HIVEP1: variants seen among roughly 807,000 people sequenced by gnomAD.
HIVEP1 encodes the protein HIVEP zinc finger 1, also known as zinc finger protein 40.
A neutral mutation model predicts 180.0 loss-of-function variants in HIVEP1; 36 were observed. That is an observed-to-expected ratio of 0.20 (90% CI 0.15 to 0.26). The LOEUF (loss-of-function observed/expected upper bound fraction) is 0.26. HIVEP1 is among the 10% of genes least tolerant of loss of function. The pLI, the probability that HIVEP1 is intolerant of heterozygous loss-of-function variation, is 1.00. For missense variants in HIVEP1, 3,143 were observed against 3,268.7 expected, an observed-to-expected ratio of 0.96 and a Z score of 0.94; for synonymous variants, 1,239 against 1,239.0, an observed-to-expected ratio of 1.00 and a Z score of 0.00.
At chr6:12,022,827 T>G (rs1212297159) in intron 2 of HIVEP1, among the ~76,000 whole-genome samples, 1 of 152,236 alleles carries the variant, frequency 6.6e-6, no homozygotes, top group East Asian at 1.9e-4. Context: ...CCATTCTTGT[T>G]CTGACTATTC....
At chr6:12,091,765 T>A (rs559402481) in intron 3 of HIVEP1, among the ~76,000 whole-genome samples, 1 of 152,266 alleles carries the variant, frequency 6.6e-6, no homozygotes, top group South Asian at 2.1e-4. Flanking sequence ...GGGATAGAGA[T>A]AAGGATGCAA....
rs749200978 is a variant in HIVEP1, at chr6:12,164,337, A to G, written c.8033A>G (p.Gln2678Arg). The stretch of plus-strand genomic sequence containing the variant: ...GAAGTTTTTACAAAGCCCTCAGGCC[A>G]GCAGACTCTCTCTCCAGACAGACAG... ...HSEVFTKPSG[Q>R]QTLSPDRQVP... is the part of the protein sequence containing the mutation. Residue 2678 changes from glutamine to arginine, a missense_variant, in exon 9 of 9, where the codon CAG (glutamine) becomes CGG (arginine). This residue lies in a region of HIVEP1 where 595 missense variants were observed against 602.2 expected (regional missense o/e 0.99). Transcript: ENST00000379388. The G allele has an allele frequency of 6.2e-7, 1 of 1,614,104 alleles. No individual in the cohort carries two copies. The highest frequency in any genetic ancestry group is 2.2e-5 in the East Asian group (1 of 44,874).
intron 2 of HIVEP1, among the ~76,000 whole-genome samples, chr6:12,021,822 C>G (rs1356576519): frequency 6.6e-6 from 1 of 152,058 alleles, no homozygotes; most frequent in African/African-American, 2.4e-5. Flanking sequence ...TGTGCTACCA[C>G]CCCCGGCTAA....
In HIVEP1 at chr6:12,121,401, A is replaced by G. The variant is rs1757647741; in HGVS notation, c.1606A>G (p.Ser536Gly). 1.2e-6 allele frequency: 2 copies of G among 1,614,204 alleles called. No individual in the cohort carries two copies. The highest frequency in any genetic ancestry group is 1.7e-5 in the Admixed American group (1 of 60,026). Residue 536 changes from serine (S) to glycine (G), a missense_variant, in exon 4 of 9, where the codon AGC becomes GGC. Ser to Gly is a moderately conservative substitution (Grantham distance 56). Coordinates refer to ENST00000379388, the MANE Select transcript of HIVEP1 (RefSeq NM_002114.4). This position sits in a 1 kb window ranked among gnomAD's most constrained non-coding sequence, Gnocchi z 5.3. ...TTTACTAAAATCAAGCTTCACTCCAAGCAGTCCAGAAAATGTGATAGGTGA... is the reference window on the plus strand; with the variant it reads ...TTTACTAAAATCAAGCTTCACTCCAGGCAGTCCAGAAAATGTGATAGGTGA... ...ETLLKSSFTP[S>G]SPENVIGDFL...
At chr6:12,102,362 A>C (rs1774161441) in intron 3 of HIVEP1, among the ~76,000 whole-genome samples, 2 of 152,210 alleles carry the variant, frequency 1.3e-5, no homozygotes, top group Admixed American at 6.5e-5. Flanking sequence ...TGATCATTAA[A>C]TCAAAAAGAA....
chr6:12,007,763 C>G (rs1461105783), upstream of HIVEP1: 1 of 152,048 alleles, frequency 6.6e-6, no homozygotes, highest in Non-Finnish European at 1.5e-5. Context: ...ACTGAGAACT[C>G]ACCCCCAGGA....
chr6:12,072,813 T>C (rs1459745276), intron 2 of HIVEP1, among the ~76,000 whole-genome samples: 1 of 152,156 alleles, frequency 6.6e-6, no homozygotes, highest in Non-Finnish European at 1.5e-5. Context: ...CTTTTTAGAG[T>C]TTCTATATCT....
At chr6:12,138,396 T>A (rs544592072) in intron 7 of HIVEP1, among the ~76,000 whole-genome samples, 1 of 152,346 alleles carries the variant, frequency 6.6e-6, no homozygotes, top group South Asian at 2.1e-4. Flanking sequence ...ATTAAACTGA[T>A]GATAGCTGGA....
At chr6:12,102,054 G>T (rs1774143829) in intron 3 of HIVEP1, among the ~76,000 whole-genome samples, 1 of 152,128 alleles carries the variant, frequency 6.6e-6, no homozygotes, top group Non-Finnish European at 1.5e-5. Context: ...AGGTATAGCA[G>T]TTATAAACAT....
the HIVEP1 span, among the ~76,000 whole-genome samples, chr6:12,186,697 C>G: frequency 6.6e-6 from 1 of 152,136 alleles, no homozygotes; most frequent in Non-Finnish European, 1.5e-5. Flanking sequence ...AGCAACATAG[C>G]AGCTGCAATA....
downstream of HIVEP1, among the ~76,000 whole-genome samples, chr6:12,168,852 G>A (rs1760828637): frequency 6.6e-6 from 1 of 152,064 alleles, no homozygotes; most frequent in Non-Finnish European, 1.5e-5. Context: ...GGTAGGCTAA[G>A]CTATGTTGTT....
chr6:12,125,533 G>A lies in HIVEP1; in HGVS notation c.5738G>A (p.Ser1913Asn), dbSNP rs750345681. 2.5e-6 allele frequency: 4 copies of A among 1,614,170 alleles called. No individual in the cohort carries two copies. The highest frequency in any genetic ancestry group is 8.5e-7 in the Non-Finnish European group (1 of 1,180,018). The change falls in exon 4 of 9, where the codon AGT (serine) becomes AAT (asparagine). Residue 1913 changes from serine (S) to asparagine (N), a missense_variant. This residue lies in a region of HIVEP1 where 1,357 missense variants were observed against 1,260.5 expected (regional missense o/e 1.08). Transcript: ENST00000379388. ...GACAAAGTGAACATCCAAGAGCAAA[G>A]TCAACAGCCAGTCACTTCTCTTTCA... ...QGDKVNIQEQSQQPVTSLSLF... is the reference protein window; with the variant it reads ...QGDKVNIQEQNQQPVTSLSLF...
At chr6:12,204,819 C>T in the HIVEP1 span, among the ~76,000 whole-genome samples, 1 of 152,286 alleles carries the variant, frequency 6.6e-6, no homozygotes, top group Admixed American at 6.5e-5. Context: ...CCTCATGAAG[C>T]TTCCGGTGGG....
Position 12,164,316 on chromosome 6 carries a change from T to G in HIVEP1, c.8012T>G (p.Val2671Gly), listed in dbSNP as rs1760616193. 1 of 1,613,642 alleles carries G rather than the reference T, an allele frequency of 6.2e-7. No individual in the cohort carries two copies. ...SQPLLKAHSE[V>G]FTKPSGQQTL... ...CCTCTGCTGAAGGCACATTCTGAAG[T>G]TTTTACAAAGCCCTCAGGCCAGCAG... The change falls in exon 9 of 9, where the codon GTT (valine) becomes GGT (glycine). Residue 2671 changes from valine to glycine, a missense_variant. Physicochemically the swap from Val to Gly is moderately radical, Grantham distance 109. Coordinates refer to ENST00000379388, the MANE Select transcript of HIVEP1 (RefSeq NM_002114.4).
chr6:12,044,506 G>T (rs540942198), intron 2 of HIVEP1, among the ~76,000 whole-genome samples: 256 of 152,168 alleles, frequency 1.7e-3, no homozygotes, highest in African/African-American at 6.0e-3. Flanking sequence ...GTACAGCTGA[G>T]GGCTTGCTGT....
chr6:12,054,020 C>T (rs951603646), intron 2 of HIVEP1, among the ~76,000 whole-genome samples: 5 of 152,224 alleles, frequency 3.3e-5, no homozygotes, highest in African/African-American at 1.2e-4. Context: ...TCTTTCCCTT[C>T]TCCATTTCAA....
chr6:12,193,790 A>G, the HIVEP1 span, among the ~76,000 whole-genome samples: 9 of 152,228 alleles, frequency 5.9e-5, no homozygotes, highest in Non-Finnish European at 1.0e-4. Flanking sequence ...TATGCAAGTT[A>G]TGAGAAAGAG....
chr6:12,082,212 A>G (rs548674362), intron 2 of HIVEP1, among the ~76,000 whole-genome samples: 6 of 152,134 alleles, frequency 3.9e-5, no homozygotes, highest in Non-Finnish European at 8.8e-5. Flanking sequence ...CTGGGGTGTC[A>G]TTCCTGGAGT....
At chr6:12,103,561 C>G (rs919221758) in intron 3 of HIVEP1, among the ~76,000 whole-genome samples, 7 of 150,492 alleles carry the variant, frequency 4.7e-5, no homozygotes, top group Non-Finnish European at 1.0e-4. Flanking sequence ...TGGAGACTTA[C>G]TATTTTTTTT....
Sources: allele counts gnomAD v4.1 joint callset (sites outside exome capture counted in the v4.1 genomes callset), GRCh38; gene constraint gnomAD v4.1.1; regional missense constraint gnomAD v4.1.1; non-coding constraint Gnocchi (gnomAD v3.1); transcripts MANE v1.5; gene names NCBI Gene and HGNC (gene_info 2026-07-23, HGNC 2026-07-21).